VPS54: variants seen among roughly 807,000 people sequenced by gnomAD.
The protein encoded by VPS54 is VPS54 subunit of GARP complex.
In VPS54, 45 loss-of-function variants were observed where a neutral mutation model predicts 121.5. That is an observed-to-expected ratio of 0.37 (90% CI 0.29 to 0.47). The LOEUF (loss-of-function observed/expected upper bound fraction) is 0.47. Ranked by LOEUF, VPS54 falls within the 20% of genes least tolerant of loss-of-function variation. VPS54 has a pLI of 0.99. For synonymous variants in VPS54, 371 were observed against 385.8 expected (o/e 0.96, Z 0.45); for missense variants, 1,090 against 1,131.4 (o/e 0.96, Z 0.52).
chr2:63,947,494 T>C lies in VPS54; in HGVS notation c.1138-4A>G. 1 of 1,491,148 alleles carries C rather than the reference T, an allele frequency of 6.7e-7. No homozygotes were observed. Among genetic ancestry groups the C allele is most frequent in the Non-Finnish European group, 9.1e-7 (1 of 1,101,014 alleles). 92.4% of individuals were successfully genotyped at this position (1,491,148 alleles called of 1,614,324 possible). A position where few individuals can be genotyped will look rare whatever the true frequency, so the allele number is the denominator to read the frequency against. On this transcript the variant is annotated splice_polypyrimidine_tract_variant and splice_region_variant and intron_variant, in intron 8 of 22. Transcript: ENST00000272322. ...ATACAAGAGATATTAGTCTTTCCTG[T>C]TAAAATAAAAGTATGTAACTTGACA...
intron 11 of VPS54, among the ~76,000 whole-genome samples, chr2:63,935,910 G>A (rs1306371343): frequency 6.6e-6 from 1 of 152,198 alleles, no homozygotes; most frequent in East Asian, 1.9e-4. Flanking sequence ...TGGTGACTGA[G>A]GAAGGAAAAC....
At chr2:63,997,558 T>A (rs967049606) in intron 1 of VPS54, among the ~76,000 whole-genome samples, 5 of 152,160 alleles carry the variant, frequency 3.3e-5, no homozygotes, top group Admixed American at 1.3e-4. Context: ...CCTTTTTTCA[T>A]CTCTGATCTT....
Position 63,894,175 on chromosome 2 carries a change from G to A in VPS54, c.2829-640C>T, listed in dbSNP as rs538083977. 2.0e-4 allele frequency among the ~76,000 whole-genome samples: 31 copies of A among 152,316 alleles called. No homozygotes were observed. In the South Asian group the frequency reaches 5.2e-3, roughly 25 times the overall value. Reference sequence around the variant, plus strand: ...GAAATCTAACAGCAAATGTTGAAAAGATGTGGGAAACAAATTCTCACAAAC... The same window carrying A: ...GAAATCTAACAGCAAATGTTGAAAAAATGTGGGAAACAAATTCTCACAAAC... On this transcript the variant is annotated intron_variant, in intron 22 of 22. Coordinates refer to ENST00000272322, the MANE Select transcript of VPS54 (RefSeq NM_016516.3).
At chr2:63,895,488 A>T (rs1009027611) in intron 22 of VPS54, among the ~76,000 whole-genome samples, 7 of 152,148 alleles carry the variant, frequency 4.6e-5, no homozygotes, top group African/African-American at 1.7e-4. Context: ...GGGGAGAGGG[A>T]GAAATAGGAA....
At chr2:63,916,818 T>C (rs1433654448) in intron 16 of VPS54, 82 bp downstream of exon 16, 52 of 1,376,640 alleles carry the variant, frequency 3.8e-5, no homozygotes, top group Non-Finnish European at 5.1e-5. Context: ...AATCCAAAAT[T>C]TCCAATTCAC....
At chr2:63,910,918 T>C (rs1673122663) in intron 20 of VPS54, among the ~76,000 whole-genome samples, 3 of 152,182 alleles carry the variant, frequency 2.0e-5, no homozygotes, top group South Asian at 4.1e-4. Context: ...TTTTTGTTTG[T>C]TTGTTTTAGA....
chr2:63,943,855 G>A (rs1286407372), intron 10 of VPS54, among the ~76,000 whole-genome samples: 1 of 151,128 alleles, frequency 6.6e-6, no homozygotes, highest in East Asian at 1.9e-4. Flanking sequence ...CTCCTGAGTA[G>A]CTAGGACTAC....
chr2:63,895,833 C>T (rs1426208696), intron 22 of VPS54, among the ~76,000 whole-genome samples: 1 of 152,150 alleles, frequency 6.6e-6, no homozygotes, highest in Non-Finnish European at 1.5e-5. Context: ...TAAGGTCAGA[C>T]TGACTTCCAA....
intron 16 of VPS54, among the ~76,000 whole-genome samples, chr2:63,916,165 C>A (rs1291696498): frequency 6.6e-6 from 1 of 152,030 alleles, no homozygotes; most frequent in Non-Finnish European, 1.5e-5. Context: ...AAGAATAATC[C>A]CCAATATCTT....
intron 14 of VPS54, among the ~76,000 whole-genome samples, 196 bp from the exon 15 acceptor site, chr2:63,920,191 ATTTAC>A (rs1456309638): frequency 1.3e-5 from 2 of 152,142 alleles, no homozygotes; most frequent in Non-Finnish European, 2.9e-5. Flanking sequence ...TGATGAAACA[ATTTAC>A]TTAACTTTGA....
chr2:63,968,264 T>C (rs975386219), intron 5 of VPS54, among the ~76,000 whole-genome samples: 22 of 151,986 alleles, frequency 1.4e-4, no homozygotes, highest in African/African-American at 4.8e-4. Flanking sequence ...TTTGAAGAGG[T>C]TGAATGATCA....
chr2:63,901,433 T>C lies in VPS54; in HGVS notation c.2626-1852A>G, dbSNP rs369651384. ...TGGGCTAGGATATATTTAGGATAAC[T>C]GAAAACCCTAGCCATAAGGAGAGTC... On this transcript the variant is annotated intron_variant, in intron 20 of 22. Transcript: ENST00000272322. Among the ~76,000 whole-genome samples the C allele has an allele frequency of 9.8e-5, 15 of 152,310 alleles. No homozygotes were observed. The East Asian group carries it at 1.9e-3, about 20-fold the overall frequency.
At chr2:63,915,228 C>T (rs569479938) in intron 16 of VPS54, among the ~76,000 whole-genome samples, 2 of 148,974 alleles carry the variant, frequency 1.3e-5, no homozygotes, top group East Asian at 2.0e-4. Flanking sequence ...ACAAATCACA[C>T]GTTAAAAAGA....
rs1272866009 is a variant in VPS54 at position 63,899,513 on chromosome 2, G to A, written c.2694C>T (p.His898=). The A allele has an allele frequency of 2.7e-5, 43 of 1,613,748 alleles. No individual in the cohort carries two copies. Among genetic ancestry groups the A allele is most frequent in the South Asian group, 6.6e-5 (6 of 91,068 alleles). Residue 898 remains histidine, a synonymous_variant, in exon 21 of 23, where the codon CAC becomes CAT. Transcript: ENST00000272322. ...RNICKQMTKM[H]EAIFDLLPEE... ...CTGGAAGGAGATCAAATATAGCTTC[G>A]TGCATTTTTGTCATTTGCTTACAAA...
At chr2:64,010,499 CTATT>C (rs1258111723) in intron 1 of VPS54, among the ~76,000 whole-genome samples, 1 of 152,128 alleles carries the variant, frequency 6.6e-6, no homozygotes, top group Non-Finnish European at 1.5e-5. Context: ...TTTCTTGTTC[CTATT>C]TAATCTCATC....
rs1673181885 is a variant in VPS54, at chr2:63,912,288, A to G, written c.2625+57T>C. On this transcript the variant is annotated intron_variant, in intron 20 of 22. Coordinates refer to ENST00000272322, the MANE Select transcript of VPS54 (RefSeq NM_016516.3). ...TCTTAATTTATAAAGTACTCCTTAT[A>G]AAATAGAAAATCATAATGTCTTTGA... 2.4e-5 allele frequency: 34 copies of G among 1,395,376 alleles called. No homozygotes were observed. In the South Asian group the frequency reaches 3.9e-4, roughly 16 times the overall value. The allele number at this position is 1,395,376 out of a possible 1,614,324, so 86.4% of individuals were successfully genotyped here.
At chr2:64,005,166 C>G (rs1678076172) in intron 1 of VPS54, among the ~76,000 whole-genome samples, 1 of 119,832 alleles carries the variant, frequency 8.3e-6, no homozygotes, top group South Asian at 2.9e-4. Flanking sequence ...TGCAGTGGCA[C>G]AATCTCGGCT....
At chr2:63,964,885 G>C (rs1482311106) in intron 6 of VPS54, among the ~76,000 whole-genome samples, 6 of 152,132 alleles carry the variant, frequency 3.9e-5, no homozygotes, top group African/African-American at 1.4e-4. Context: ...TAAACTGAAT[G>C]CTAAGAAAGA....
At chr2:63,913,418 C>T (rs1057280705) in intron 17 of VPS54, 108 bp from the exon 18 acceptor site, 1 of 659,170 alleles carries the variant, frequency 1.5e-6, no homozygotes, top group African/African-American at 1.9e-5. Context: ...CATTCAATGG[C>T]CAAATGAATT....
Sources: gnomAD v4.1 joint callset for allele counts (sites outside exome capture counted in the v4.1 genomes callset) on GRCh38, gnomAD v4.1.1 for gene constraint, MANE v1.5 for transcripts, NCBI Gene and HGNC (gene_info 2026-07-23, HGNC 2026-07-21) for gene names.